The following GSG1L variants were observed in gnomAD, a reference collection of about 807,000 sequenced individuals.
The protein encoded by GSG1L is GSG1 like, also known as germ cell-specific gene 1-like protein.
In GSG1L, 24 loss-of-function variants were observed where a neutral mutation model predicts 42.1. That is an observed-to-expected ratio of 0.57 (90% CI 0.41 to 0.80). GSG1L has a LOEUF of 0.80. GSG1L is among the 30% of genes least tolerant of loss of function. The pLI is 0.00. For synonymous variants in GSG1L, 215 were observed against 203.5 expected (o/e 1.06, Z -0.48); for missense variants, 445 against 472.2 (o/e 0.94, Z 0.53).
rs545513222 is a variant in GSG1L at position 27,920,406 on chromosome 16, G to A, written c.398-35768C>T. On this transcript the variant is annotated intron_variant, in intron 2 of 6. Coordinates refer to ENST00000447459, the MANE Select transcript of GSG1L (RefSeq NM_001109763.2). ...CAGGATTACTAAGTCATTATTTAAC[G>A]ATGGAGAGTTTCCAGGAGTCGTTGG... 1.6e-3 allele frequency among the ~76,000 whole-genome samples: 245 copies of A among 152,312 alleles called. 2 individuals are homozygous for A. The highest frequency in any genetic ancestry group is 2.5e-3 in the Non-Finnish European group (169 of 68,032).
intron 1 of GSG1L, among the ~76,000 whole-genome samples, chr16:28,062,835 G>T (rs929089911): frequency 1.3e-5 from 2 of 152,170 alleles, no homozygotes; most frequent in Non-Finnish European, 2.9e-5. Flanking sequence ...GTCCGCAGCG[G>T]GTAGGAGCTC....
At chr16:27,880,667 A>G (rs1316596870) in intron 3 of GSG1L, among the ~76,000 whole-genome samples, 3 of 152,164 alleles carry the variant, frequency 2.0e-5, no homozygotes, top group African/African-American at 7.2e-5. Context: ...AGAAACTTTC[A>G]GAACCCCTTG....
At chr16:27,829,728 G>A (rs753671705) in intron 4 of GSG1L, among the ~76,000 whole-genome samples, 11 of 152,220 alleles carry the variant, frequency 7.2e-5, no homozygotes, top group South Asian at 2.1e-4. Flanking sequence ...CACGTTCATC[G>A]TAATGGACAA....
At chr16:27,917,928 A>G (rs2084477412) in intron 2 of GSG1L, among the ~76,000 whole-genome samples, 1 of 152,088 alleles carries the variant, frequency 6.6e-6, no homozygotes, top group African/African-American at 2.4e-5. Flanking sequence ...AAGCCAAGCC[A>G]GCTCTTGGGA....
intron 5 of GSG1L, among the ~76,000 whole-genome samples, chr16:27,813,808 G>A (rs2083061061): frequency 6.6e-6 from 1 of 152,224 alleles, no homozygotes; most frequent in Non-Finnish European, 1.5e-5. Context: ...TAGGCTTTGG[G>A]CACAATGAGA....
chr16:27,855,579 G>A (rs79027354), intron 3 of GSG1L, among the ~76,000 whole-genome samples: 6 of 152,092 alleles, frequency 3.9e-5, no homozygotes, highest in African/African-American at 1.2e-4. Flanking sequence ...TATTAGCCAG[G>A]TGTGGTAGCC....
intron 6 of GSG1L, among the ~76,000 whole-genome samples, chr16:27,794,733 G>A (rs1005062920): frequency 3.3e-5 from 5 of 152,108 alleles, no homozygotes; most frequent in Admixed American, 3.3e-4. Flanking sequence ...CAATCTGTGG[G>A]CCAAAGAGCA....
intron 3 of GSG1L, among the ~76,000 whole-genome samples, chr16:27,850,088 G>A (rs1041195819): frequency 3.0e-5 from 4 of 134,822 alleles, no homozygotes; most frequent in Admixed American, 1.7e-4. Flanking sequence ...GAGTGCAGTG[G>A]CATGATCTTG....
intron 5 of GSG1L, among the ~76,000 whole-genome samples, chr16:27,827,974 T>TATCC (rs1056735343): frequency 1.4e-5 from 2 of 139,670 alleles, no homozygotes; most frequent in African/African-American, 5.4e-5. Flanking sequence ...CCAACACACC[T>TATCC]ATCCATCCAT....
intron 5 of GSG1L, among the ~76,000 whole-genome samples, chr16:27,819,316 G>A (rs1006674249): frequency 6.6e-6 from 1 of 151,228 alleles, no homozygotes; most frequent in African/African-American, 2.4e-5. Context: ...TTCTAGAATC[G>A]CATGGGTTAG....
intron 1 of GSG1L, among the ~76,000 whole-genome samples, chr16:28,033,880 AC>A (rs2085996246): frequency 6.6e-6 from 1 of 152,202 alleles, no homozygotes; most frequent in African/African-American, 2.4e-5. Context: ...AGAAAATCGC[AC>A]AGTGGAAAGC....
At chr16:27,906,599 C>T (rs1482900264) in intron 2 of GSG1L, among the ~76,000 whole-genome samples, 2 of 152,122 alleles carry the variant, frequency 1.3e-5, no homozygotes, top group East Asian at 1.9e-4. Context: ...ATGTTCTTTC[C>T]TCTTATTCTC....
chr16:27,962,084 G>C (rs1401270039), intron 2 of GSG1L, among the ~76,000 whole-genome samples: 4 of 152,152 alleles, frequency 2.6e-5, no homozygotes, highest in Non-Finnish European at 5.9e-5. Flanking sequence ...TTCACTCTTG[G>C]CAGCCTATCT....
chr16:28,025,827 C>T (rs2085895056), intron 1 of GSG1L, among the ~76,000 whole-genome samples: 1 of 152,172 alleles, frequency 6.6e-6, no homozygotes, highest in African/African-American at 2.4e-5. Flanking sequence ...TCCTGTCATC[C>T]TGATGGCCCC....
rs1388854553 is a variant in GSG1L, at chr16:28,059,165, A to G, written c.349+3911T>C. ...TAGCTGCTCTGATCCCCACCTACAC[A>G]GTAGCCCTGGGAGTTTCCTGCCTGA... On this transcript the variant is annotated intron_variant, in intron 1 of 6. Coordinates refer to ENST00000447459, the MANE Select transcript of GSG1L (RefSeq NM_001109763.2). The surrounding 1 kb of genome is among the most constrained non-coding windows in gnomAD (Gnocchi z 4.4). Among the ~76,000 whole-genome samples, 1 of 152,152 alleles carries G rather than the reference A, an allele frequency of 6.6e-6. No homozygotes were observed. The highest frequency in any genetic ancestry group is 1.5e-5 in the Non-Finnish European group (1 of 68,016).
At chr16:27,851,075 A>G (rs966965305) in intron 3 of GSG1L, among the ~76,000 whole-genome samples, 1 of 152,246 alleles carries the variant, frequency 6.6e-6, no homozygotes, top group Non-Finnish European at 1.5e-5. Context: ...AGCAAGGTCC[A>G]GAGACGGCCA....
intron 1 of GSG1L, among the ~76,000 whole-genome samples, chr16:28,010,702 G>A (rs1393154192): frequency 5.3e-5 from 8 of 152,048 alleles, no homozygotes; most frequent in African/African-American, 1.9e-4. Flanking sequence ...TGGAGTCTCC[G>A]TGATGGAAGC....
intron 1 of GSG1L, among the ~76,000 whole-genome samples, chr16:28,039,321 G>C (rs943514710): frequency 6.6e-6 from 1 of 152,190 alleles, no homozygotes; most frequent in African/African-American, 2.4e-5. Flanking sequence ...TTCCCAACCA[G>C]GAGCAATTTT....
chr16:28,039,012 G>T (rs1368420278), intron 1 of GSG1L, among the ~76,000 whole-genome samples: 1 of 152,158 alleles, frequency 6.6e-6, no homozygotes, highest in Non-Finnish European at 1.5e-5. Flanking sequence ...TGCTGTCTAG[G>T]ATTTGACTGC....
Sources: allele counts gnomAD v4.1 joint callset (sites outside exome capture counted in the v4.1 genomes callset), GRCh38; gene constraint gnomAD v4.1.1; non-coding constraint Gnocchi (gnomAD v3.1); transcripts MANE v1.5; gene names NCBI Gene and HGNC (gene_info 2026-07-23, HGNC 2026-07-21).